Variants in ANKRD55 observed in about 807,000 individuals in gnomAD.
The protein encoded by ANKRD55 is ankyrin repeat domain-containing protein 55.
A neutral mutation model predicts 60.6 loss-of-function variants in ANKRD55; 41 were observed. The observed-to-expected ratio is 0.68, with a 90% CI of 0.53 to 0.88. The LOEUF (loss-of-function observed/expected upper bound fraction) is 0.88, where lower values mean the gene tolerates loss of function less well. Ranked by LOEUF, ANKRD55 falls within the 40% of genes least tolerant of loss-of-function variation. ANKRD55 has a pLI of 0.00. For missense variants in ANKRD55, 732 were observed against 767.6 expected (o/e 0.95, Z 0.55); for synonymous variants, 264 against 290.3 (o/e 0.91, Z 0.92).
chr5:56,138,189 G>T (rs1469465433), intron 7 of ANKRD55, among the ~76,000 whole-genome samples: 2 of 147,822 alleles, frequency 1.4e-5, no homozygotes, highest in African/African-American at 2.5e-5. Context: ...GTGCAATGGC[G>T]CAATCTTGGC....
chr5:56,173,574 CTCTCTCTCTATATATATA>C (rs1455591295), intron 4 of ANKRD55, among the ~76,000 whole-genome samples: 1 of 98,316 alleles, frequency 1.0e-5, no homozygotes, highest in African/African-American at 4.6e-5. Context: ...CTCTCTCTCT[CTCTCTCTCTATATATATA>C]TATATATATA....
intron 6 of ANKRD55, among the ~76,000 whole-genome samples, chr5:56,157,915 G>A (rs1225616829): frequency 6.6e-6 from 1 of 151,954 alleles, no homozygotes; most frequent in Non-Finnish European, 1.5e-5. Context: ...CAAGTCTCTC[G>A]TTCCACCTGA....
At chr5:56,146,535 C>A (rs1246674332) in intron 6 of ANKRD55, among the ~76,000 whole-genome samples, 1 of 152,156 alleles carries the variant, frequency 6.6e-6, no homozygotes, top group African/African-American at 2.4e-5. Context: ...CCACCTCAGC[C>A]TCCCAAAATG....
intron 11 of ANKRD55, among the ~76,000 whole-genome samples, chr5:56,101,404 G>T (rs1248616495): frequency 6.9e-6 from 1 of 145,234 alleles, no homozygotes; most frequent in Non-Finnish European, 1.6e-5. Flanking sequence ...GGCTGTGTGT[G>T]TGTGTGTTTG....
At chr5:56,113,403 G>A (rs866044745) in intron 9 of ANKRD55, among the ~76,000 whole-genome samples, 2 of 152,100 alleles carry the variant, frequency 1.3e-5, no homozygotes, top group African/African-American at 4.8e-5. Context: ...GGGAGTACAA[G>A]TTATTAATTT....
At chr5:56,161,491 A>G (rs1057366305) in intron 5 of ANKRD55, among the ~76,000 whole-genome samples, 1 of 152,256 alleles carries the variant, frequency 6.6e-6, no homozygotes, top group Non-Finnish European at 1.5e-5. Flanking sequence ...GTTACTTGCA[A>G]TAGAAGAAAA....
At chr5:56,135,368 C>CTTCTTTCT (rs1166549081) in intron 7 of ANKRD55, among the ~76,000 whole-genome samples, 51 of 49,178 alleles carry the variant, frequency 1.0e-3, no homozygotes, top group African/African-American at 4.1e-3. Context: ...TCTTTCTTTC[C>CTTCTTTCT]TTCTTTCTTT....
intron 4 of ANKRD55, among the ~76,000 whole-genome samples, chr5:56,173,266 C>T (rs1236190407): frequency 2.0e-5 from 3 of 152,224 alleles, no homozygotes; most frequent in African/African-American, 4.8e-5. Flanking sequence ...GGCACGATCT[C>T]GGCTCACTGC....
chr5:56,172,562 T>C (rs1758634316), intron 4 of ANKRD55, among the ~76,000 whole-genome samples: 1 of 148,018 alleles, frequency 6.8e-6, no homozygotes, highest in Admixed American at 6.6e-5. Context: ...ACTCTGTGTG[T>C]GTCAATGGTT....
Position 56,135,288 on chromosome 5 carries a change from C to CTGCTTGCT in ANKRD55, c.613-8190_613-8183dup, listed in dbSNP as rs760579731. The stretch of plus-strand genomic sequence containing the variant: ...TTTCCCTCCCTCCCTCCCTGCCTGC[C>CTGCTTGCT]TGCTTGCTTTCTTTCTTTCTTTCTT... On this transcript the variant is annotated intron_variant, in intron 7 of 11. Coordinates refer to ENST00000341048, the MANE Select transcript of ANKRD55 (RefSeq NM_024669.3). Among the ~76,000 whole-genome samples the CTGCTTGCT allele has an allele frequency of 8.8e-4, 82 of 93,044 alleles. 3 individuals carry two copies. Among genetic ancestry groups the CTGCTTGCT allele is most frequent in the Middle Eastern group, 5.5e-3 (1 of 182 alleles). The allele number at this position is 93,044 out of a possible 152,430, so 61.0% of individuals were successfully genotyped here.
At chr5:56,233,157 G>A (rs1760298527) in intron 1 of ANKRD55, 84 bp downstream of exon 1, 1 of 509,918 alleles carries the variant, frequency 2.0e-6, no homozygotes, top group African/African-American at 1.9e-5. Flanking sequence ...GCTGTACATG[G>A]GCATAATACA....
intron 8 of ANKRD55, among the ~76,000 whole-genome samples, chr5:56,121,584 G>T (rs1013298567): frequency 6.6e-6 from 1 of 151,952 alleles, no homozygotes; most frequent in African/African-American, 2.4e-5. Context: ...TGTTGGCCAG[G>T]CTGGTCTCGA....
chr5:56,134,305 C>A lies in ANKRD55; in HGVS notation c.613-7199G>T, dbSNP rs1375645292. ...TTAAAGAAACTGAATAGGCTGGGTG[C>A]GGTGGCTTACGCCTGTTATCCCAGC... is the stretch of plus-strand genomic sequence containing the variant. On this transcript the variant is annotated intron_variant, in intron 7 of 11. Transcript: ENST00000341048. Among the ~76,000 whole-genome samples, 4 of 115,158 alleles carry A rather than the reference C, an allele frequency of 3.5e-5. 1 individual carries two copies. The highest frequency in any genetic ancestry group is 5.6e-5 in the African/African-American group (2 of 35,512). 75.5% of individuals were successfully genotyped at this position (115,158 alleles called of 152,430 possible). A position where few individuals can be genotyped will look rare whatever the true frequency, so the allele number is the denominator to read the frequency against.
At chr5:56,193,295 A>C (rs1329530556) in intron 2 of ANKRD55, 1 of 1,072,084 alleles carries the variant, frequency 9.3e-7, no homozygotes, top group East Asian at 2.6e-5. Flanking sequence ...CATGGAAATT[A>C]TAAATGTAGA....
At chr5:56,194,133 T>C (rs1759174214) in intron 2 of ANKRD55, among the ~76,000 whole-genome samples, 1 of 151,998 alleles carries the variant, frequency 6.6e-6, no homozygotes, top group Admixed American at 6.6e-5. Flanking sequence ...CTGGCCAACA[T>C]GGTGAAACCT....
chr5:56,145,193 C>G (rs774044820), intron 6 of ANKRD55, among the ~76,000 whole-genome samples: 2 of 152,192 alleles, frequency 1.3e-5, no homozygotes, highest in Non-Finnish European at 2.9e-5. Context: ...GGAGTAAGTA[C>G]TGTGGTGATG....
intron 7 of ANKRD55, among the ~76,000 whole-genome samples, chr5:56,139,713 T>G (rs1424828412): frequency 1.3e-5 from 2 of 152,178 alleles, no homozygotes; most frequent in African/African-American, 4.8e-5. Flanking sequence ...GTGACCGTAA[T>G]TGTTTTGGTA....
intron 10 of ANKRD55, chr5:56,110,455 T>C (rs1447946689): frequency 6.5e-6 from 1 of 152,726 alleles, no homozygotes; most frequent in Non-Finnish European, 1.5e-5. Flanking sequence ...AGGTGGGATA[T>C]GTACATATTT....
rs375014234 is a variant in ANKRD55, at chr5:56,222,871, G to A, written c.58+9985C>T. 9.5e-4 allele frequency among the ~76,000 whole-genome samples: 145 copies of A among 152,270 alleles called. 2 individuals are homozygous for A. In the Middle Eastern group the frequency reaches 0.021, roughly 22 times the overall value. On this transcript the variant is annotated intron_variant, in intron 2 of 11. Transcript: ENST00000341048. ...GACTATGTGAAAAGACCAAATCTAC[G>A]TCTGATTGGTGTACCTGAAAGTGAC...
Sources: allele counts gnomAD v4.1 joint callset (sites outside exome capture counted in the v4.1 genomes callset), GRCh38; gene constraint gnomAD v4.1.1; transcripts MANE v1.5; gene names NCBI Gene and HGNC (gene_info 2026-07-23, HGNC 2026-07-21).